SVOP: variants seen among roughly 807,000 people sequenced by gnomAD.
The protein encoded by SVOP is synaptic vesicle 2-related protein.
SVOP carries 17 observed loss-of-function variants against 69.1 expected under a neutral mutation model. The ratio of observed to expected loss-of-function variants is 0.25; its 90% CI spans 0.17 to 0.37. The LOEUF (loss-of-function observed/expected upper bound fraction) is 0.37, where lower values mean the gene tolerates loss of function less well. Ranked by LOEUF, SVOP falls within the 10% of genes least tolerant of loss-of-function variation. The pLI, the probability that SVOP is intolerant of heterozygous loss-of-function variation, is 1.00. For synonymous variants in SVOP, 238 were observed against 238.6 expected, an observed-to-expected ratio of 1.00 and a Z score of 0.02; for missense variants, 435 against 597.5, an observed-to-expected ratio of 0.73 and a Z score of 2.84.
intron 1 of SVOP, among the ~76,000 whole-genome samples, chr12:109,015,253 G>A (rs2040361719): frequency 1.3e-5 from 2 of 152,156 alleles, no homozygotes; most frequent in African/African-American, 4.8e-5. Flanking sequence ...GGGTAGGATA[G>A]TGAAAGAGAT....
At chr12:109,008,936 T>G (rs2040324859) in intron 1 of SVOP, among the ~76,000 whole-genome samples, 1 of 151,578 alleles carries the variant, frequency 6.6e-6, no homozygotes, top group South Asian at 2.1e-4. Context: ...TATTTGTCTT[T>G]GTAACTTTTT....
intron 1 of SVOP, among the ~76,000 whole-genome samples, chr12:109,007,223 C>T (rs1167661039): frequency 6.6e-6 from 1 of 152,164 alleles, no homozygotes; most frequent in Non-Finnish European, 1.5e-5. Context: ...GGTGATGTGG[C>T]GTCTTCTGAA....
intron 1 of SVOP, among the ~76,000 whole-genome samples, chr12:109,008,391 A>G (rs1419170457): frequency 1.3e-5 from 2 of 152,150 alleles, no homozygotes; most frequent in Non-Finnish European, 2.9e-5. Flanking sequence ...ATGGGGTGTG[A>G]GGGGTTGGAT....
Position 108,912,493 on chromosome 12 carries a change from A to G in SVOP, c.*42T>C. The G allele has an allele frequency of 1.2e-6, 2 of 1,609,410 alleles. No homozygotes were observed. Among genetic ancestry groups the G allele is most frequent in the Admixed American group, 3.3e-5 (2 of 59,952 alleles). On this transcript the variant is annotated 3_prime_UTR_variant, in exon 16 of 16. Coordinates refer to ENST00000610966, the MANE Select transcript of SVOP (RefSeq NM_018711.5). ...CCAGTTGGGGCCTGCCAGCCCCCCA[A>G]GCTCTGCAGCCTCAAAGACCAGCTC... is the stretch of plus-strand genomic sequence containing the variant.
chr12:108,949,473 T>C (rs2039942978), intron 6 of SVOP, among the ~76,000 whole-genome samples: 2 of 152,154 alleles, frequency 1.3e-5, no homozygotes, highest in South Asian at 2.1e-4. Flanking sequence ...TTTCGCCATG[T>C]TGGCCAGGCT....
chr12:108,952,359 C>G (rs1035650570), intron 6 of SVOP, among the ~76,000 whole-genome samples: 1 of 151,564 alleles, frequency 6.6e-6, no homozygotes, highest in Non-Finnish European at 1.5e-5. Context: ...CTCAGCCTCC[C>G]AAGTAGCTAG....
At chr12:108,930,082 G>A (rs1048447741) in intron 11 of SVOP, among the ~76,000 whole-genome samples, 5 of 152,068 alleles carry the variant, frequency 3.3e-5, no homozygotes, top group African/African-American at 1.2e-4. Context: ...TGCTAAAAAT[G>A]TTTTTTTCGA....
intron 5 of SVOP, among the ~76,000 whole-genome samples, chr12:108,968,995 T>C (rs2040062870): frequency 2.0e-5 from 3 of 152,256 alleles, no homozygotes; most frequent in African/African-American, 7.2e-5. Context: ...GGTTTCGCCA[T>C]GTTGCCTAGG....
In SVOP at chr12:108,945,120, A is replaced by G; in HGVS notation, c.625T>C (p.Cys209Arg). Residue 209 changes from cysteine to arginine, a missense_variant, in exon 7 of 16, where the codon TGT becomes CGT. Coordinates refer to ENST00000610966, the MANE Select transcript of SVOP (RefSeq NM_018711.5). Reference sequence around the variant, plus strand: ...CTCCTTACCTCAATCAGCAAAATACATTTAGCTCTGGCTTTCATGGGAAGG... The same window carrying G: ...CTCCTTACCTCAATCAGCAAAATACGTTTAGCTCTGGCTTTCATGGGAAGG... ...EFLPMKARAKCILLIEVFWAI... is the reference protein window; with the variant it reads ...EFLPMKARAKRILLIEVFWAI... 6.5e-7 allele frequency: 1 copy of G among 1,537,056 alleles called. No homozygotes were observed. The highest frequency in any genetic ancestry group is 8.7e-7 in the Non-Finnish European group (1 of 1,146,826).
intron 8 of SVOP, 58 bp downstream of exon 8, chr12:108,940,726 T>C (rs1402161309): frequency 5.3e-6 from 8 of 1,516,888 alleles, no homozygotes; most frequent in Middle Eastern, 1.7e-4. Flanking sequence ...CCCACCAAAA[T>C]AGAGTGGACA....
intron 6 of SVOP, among the ~76,000 whole-genome samples, chr12:108,957,296 T>C (rs896750021): frequency 2.0e-5 from 3 of 152,250 alleles, no homozygotes; most frequent in Admixed American, 2.0e-4. Context: ...CCCAAGTAGC[T>C]GGGATTACAG....
intron 11 of SVOP, among the ~76,000 whole-genome samples, chr12:108,925,437 G>A (rs547120507): frequency 3.3e-5 from 5 of 152,170 alleles, no homozygotes; most frequent in African/African-American, 9.6e-5. Flanking sequence ...CTGCTTCTAC[G>A]CTTGTACTCA....
chr12:108,989,976 A>T (rs2040190447), intron 1 of SVOP, among the ~76,000 whole-genome samples: 1 of 152,220 alleles, frequency 6.6e-6, no homozygotes, highest in Non-Finnish European at 1.5e-5. Flanking sequence ...AGGTACAGTT[A>T]TTATACCCAT....
At chr12:108,934,446 A>G (rs2039844086) in intron 10 of SVOP, among the ~76,000 whole-genome samples, 175 bp from the exon 11 acceptor site, 1 of 152,166 alleles carries the variant, frequency 6.6e-6, no homozygotes, top group South Asian at 2.1e-4. Flanking sequence ...GTAAAAAAGC[A>G]TCACGATATG....
chr12:108,976,079 A>G (rs2040104941), intron 4 of SVOP, among the ~76,000 whole-genome samples: 1 of 152,146 alleles, frequency 6.6e-6, no homozygotes, highest in Non-Finnish European at 1.5e-5. Flanking sequence ...CCTGGTGTGT[A>G]CTAGGGGCTG....
At chr12:108,951,956 T>C (rs1170030431) in intron 6 of SVOP, among the ~76,000 whole-genome samples, 2 of 152,158 alleles carry the variant, frequency 1.3e-5, no homozygotes, top group East Asian at 3.9e-4. Context: ...AGAAATGATG[T>C]TATGCTAGTT....
At chr12:108,916,611 T>C (rs1369498088) in intron 14 of SVOP, among the ~76,000 whole-genome samples, 5 of 152,298 alleles carry the variant, frequency 3.3e-5, no homozygotes, top group Non-Finnish European at 7.4e-5. Context: ...CATTGCCAAA[T>C]GTCCCCTGGG....
chr12:108,934,951 G>A (rs1182958125), intron 10 of SVOP, among the ~76,000 whole-genome samples: 1 of 152,118 alleles, frequency 6.6e-6, no homozygotes, highest in African/African-American at 2.4e-5. Context: ...TCTTAATAAA[G>A]TTGCTTTCAC....
At chr12:108,919,654 C>T in intron 13 of SVOP, 21 bp downstream of exon 13, 1 of 1,572,140 alleles carries the variant, frequency 6.4e-7, no homozygotes, top group South Asian at 1.2e-5. Context: ...AAACTCATAC[C>T]TAGGCTTGCA....
Sources: allele counts gnomAD v4.1 joint callset (sites outside exome capture counted in the v4.1 genomes callset), GRCh38; gene constraint gnomAD v4.1.1; transcripts MANE v1.5; gene names NCBI Gene and HGNC (gene_info 2026-07-23, HGNC 2026-07-21).